DPP10: variants seen among roughly 807,000 people sequenced by gnomAD.
DPP10 encodes the protein inactive dipeptidyl peptidase 10.
A neutral mutation model predicts 120.9 loss-of-function variants in DPP10; 33 were observed. The ratio of observed to expected loss-of-function variants is 0.27; its 90% CI spans 0.21 to 0.37. The LOEUF (loss-of-function observed/expected upper bound fraction) is 0.37, where lower values mean the gene tolerates loss of function less well. Ranked by LOEUF, DPP10 falls within the 10% of genes least tolerant of loss-of-function variation. The pLI is 1.00. For synonymous variants in DPP10, 337 were observed against 326.1 expected, an observed-to-expected ratio of 1.03 and a Z score of -0.36; for missense variants, 816 against 942.8, an observed-to-expected ratio of 0.87 and a Z score of 1.76.
chr2:115,651,408 C>T (rs1490425340), intron 5 of DPP10, among the ~76,000 whole-genome samples: 1 of 151,984 alleles, frequency 6.6e-6, no homozygotes, highest in Non-Finnish European at 1.5e-5. Context: ...ATCCTCCTTT[C>T]CCGGCGCTGA....
In DPP10 at chr2:115,227,826, T is replaced by A. The variant is rs2057513596; in HGVS notation, c.61-81413T>A. ...GTTCAGCCATTTTATGCTTTCTTTT[T>A]ATTCTCTTTTTTCAAAATTAATTAT... On this transcript the variant is annotated intron_variant, in intron 1 of 25. Transcript: ENST00000410059. 3.9e-5 allele frequency among the ~76,000 whole-genome samples: 6 copies of A among 152,080 alleles called. No individual in the cohort carries two copies. In the South Asian group the frequency reaches 1.2e-3, roughly 31 times the overall value.
chr2:114,899,878 T>G lies in DPP10; in HGVS notation c.61-409361T>G, dbSNP rs550209687. Among the ~76,000 whole-genome samples, 306 of 152,300 alleles carry G rather than the reference T, an allele frequency of 2.0e-3. 4 individuals carry two copies. Among genetic ancestry groups the G allele is most frequent in the African/African-American group, 7.0e-3 (291 of 41,564 alleles). On this transcript the variant is annotated intron_variant, in intron 1 of 25. Transcript: ENST00000410059. ...GGGAGGCTGAGGCAGGAGAATGGCG[T>G]GAACCCGGGAGGTGGAGCTGGCAGT...
At chr2:115,319,023 T>C (rs1005484518) in intron 2 of DPP10, among the ~76,000 whole-genome samples, 3 of 152,172 alleles carry the variant, frequency 2.0e-5, no homozygotes, top group African/African-American at 7.2e-5. Context: ...TCTTTATTCA[T>C]TGAGTAGTCT....
intron 1 of DPP10, among the ~76,000 whole-genome samples, chr2:114,948,171 A>G (rs1347923013): frequency 6.6e-6 from 1 of 151,820 alleles, no homozygotes; most frequent in East Asian, 1.9e-4. Flanking sequence ...GCGTGCTTTG[A>G]CTTAATTGTT....
chr2:114,959,616 T>C (rs1698462931), intron 1 of DPP10, among the ~76,000 whole-genome samples: 1 of 152,210 alleles, frequency 6.6e-6, no homozygotes, highest in Non-Finnish European at 1.5e-5. Flanking sequence ...GGTTTAAGAG[T>C]GACTCTATTG....
At chr2:115,151,845 T>G (rs1240172045) in intron 1 of DPP10, among the ~76,000 whole-genome samples, 1 of 151,988 alleles carries the variant, frequency 6.6e-6, no homozygotes, top group Middle Eastern at 3.2e-3. Context: ...TTTTTTAATT[T>G]CTTTTTAGTG....
chr2:114,831,111 G>C (rs1045558958), intron 1 of DPP10, among the ~76,000 whole-genome samples: 1 of 128,344 alleles, frequency 7.8e-6, no homozygotes, highest in African/African-American at 2.9e-5. Context: ...AGATGATGGG[G>C]CAGTAAAGAC....
intron 8 of DPP10, among the ~76,000 whole-genome samples, chr2:115,738,275 C>T (rs1676833225): frequency 6.6e-6 from 1 of 152,156 alleles, no homozygotes; most frequent in South Asian, 2.1e-4. Flanking sequence ...TGGACTCTTC[C>T]AAAGATACCA....
chr2:114,534,117 T>G (rs1164038289), intron 1 of DPP10, among the ~76,000 whole-genome samples: 1 of 152,232 alleles, frequency 6.6e-6, no homozygotes, highest in Non-Finnish European at 1.5e-5. Context: ...TTCCTGCTTA[T>G]TATTTGAATT....
chr2:115,340,288 T>G (rs1559452696), intron 2 of DPP10, among the ~76,000 whole-genome samples: 1 of 152,062 alleles, frequency 6.6e-6, no homozygotes, highest in Non-Finnish European at 1.5e-5. Flanking sequence ...TAATTTAGAA[T>G]GGGAATGGGA....
chr2:114,712,352 T>C (rs1701082049), intron 1 of DPP10, among the ~76,000 whole-genome samples: 1 of 152,150 alleles, frequency 6.6e-6, no homozygotes, highest in Non-Finnish European at 1.5e-5. Flanking sequence ...TAGTCTTATA[T>C]ATTCATTAAC....
chr2:114,512,421 A>G (rs959310384), intron 1 of DPP10, among the ~76,000 whole-genome samples: 3 of 152,182 alleles, frequency 2.0e-5, no homozygotes, highest in Non-Finnish European at 2.9e-5. Flanking sequence ...ACTTGGTGAT[A>G]TAGAAACTGC....
intron 1 of DPP10, among the ~76,000 whole-genome samples, chr2:114,876,306 G>A (rs774440650): frequency 1.6e-4 from 24 of 152,016 alleles, no homozygotes; most frequent in Admixed American, 3.9e-4. Flanking sequence ...AGAGCAGATG[G>A]GGAATAAAGT....
At chr2:115,234,152 C>T (rs562455792) in intron 1 of DPP10, among the ~76,000 whole-genome samples, 8 of 152,126 alleles carry the variant, frequency 5.3e-5, no homozygotes, top group African/African-American at 1.9e-4. Flanking sequence ...TTTCTGCAGC[C>T]CACACTTAGA....
chr2:115,705,043 C>T (rs908947952), intron 7 of DPP10, among the ~76,000 whole-genome samples: 3 of 151,840 alleles, frequency 2.0e-5, no homozygotes, highest in Admixed American at 2.0e-4. Context: ...ATCCACATCT[C>T]TCTATCACCT....
At chr2:114,597,905 T>G (rs1692054930) in intron 1 of DPP10, among the ~76,000 whole-genome samples, 1 of 151,960 alleles carries the variant, frequency 6.6e-6, no homozygotes, top group African/African-American at 2.4e-5. Context: ...ACCATCATTT[T>G]TGACCACACC....
At chr2:115,570,815 T>C (rs866287837) in intron 5 of DPP10, among the ~76,000 whole-genome samples, 16 of 152,362 alleles carry the variant, frequency 1.1e-4, no homozygotes, top group Middle Eastern at 6.8e-3. Flanking sequence ...GAACAAATAA[T>C]GTAACTATAA....
At chr2:114,961,297 G>T (rs1397005112) in intron 1 of DPP10, among the ~76,000 whole-genome samples, 3 of 151,896 alleles carry the variant, frequency 2.0e-5, no homozygotes, top group Admixed American at 6.6e-5. Context: ...CAGGTGATCT[G>T]CCCACCTCGG....
intron 1 of DPP10, among the ~76,000 whole-genome samples, chr2:115,210,268 G>A (rs2056420205): frequency 6.6e-6 from 1 of 152,086 alleles, no homozygotes; most frequent in South Asian, 2.1e-4. Context: ...AGAACATGTG[G>A]TGTTTGGTTT....
Sources: allele counts gnomAD v4.1 joint callset (sites outside exome capture counted in the v4.1 genomes callset), GRCh38; gene constraint gnomAD v4.1.1; transcripts MANE v1.5; gene names NCBI Gene and HGNC (gene_info 2026-07-23, HGNC 2026-07-21).